Variants in XKR4 observed in about 807,000 individuals in gnomAD.
XKR4 encodes XK related 4, also known as XK-related protein 4.
In XKR4, 12 loss-of-function variants were observed where a neutral mutation model predicts 53.9. The ratio of observed to expected loss-of-function variants is 0.22; its 90% CI spans 0.14 to 0.36. The LOEUF (loss-of-function observed/expected upper bound fraction) is 0.36, where lower values mean the gene tolerates loss of function less well. Among genes scored for constraint, XKR4 ranks in the 10% least tolerant of loss-of-function variants. The pLI, the probability that XKR4 is intolerant of heterozygous loss-of-function variation, is 1.00. For synonymous variants in XKR4, 354 were observed against 362.4 expected (o/e 0.98, Z 0.26); for missense variants, 799 against 859.5 (o/e 0.93, Z 0.88).
chr8:55,330,516 AT>A (rs1228046538), intron 1 of XKR4, among the ~76,000 whole-genome samples: 1 of 152,156 alleles, frequency 6.6e-6, no homozygotes, highest in Non-Finnish European at 1.5e-5. Context: ...TTAAAAAAAA[AT>A]ACATTGTTGT....
intron 1 of XKR4, among the ~76,000 whole-genome samples, chr8:55,117,815 G>A (rs1452698380): frequency 1.3e-5 from 2 of 152,118 alleles, no homozygotes; most frequent in African/African-American, 4.8e-5. Context: ...GCTAAAAATG[G>A]TAATGAGTTC....
intron 1 of XKR4, among the ~76,000 whole-genome samples, chr8:55,160,887 C>T (rs554944418): frequency 5.0e-4 from 76 of 152,132 alleles, no homozygotes; most frequent in African/African-American, 1.8e-3. Flanking sequence ...AATGCAATTC[C>T]ATTAATAAAA....
intron 2 of XKR4, among the ~76,000 whole-genome samples, chr8:55,428,707 T>A (rs945430391): frequency 6.6e-6 from 1 of 152,212 alleles, no homozygotes; most frequent in African/African-American, 2.4e-5. Flanking sequence ...CCTACTTCAG[T>A]GTAGAGTCAG....
chr8:55,443,695 G>T (rs1805304696), intron 2 of XKR4, among the ~76,000 whole-genome samples: 1 of 151,518 alleles, frequency 6.6e-6, no homozygotes, highest in South Asian at 2.1e-4. Context: ...ACAAAAAAGA[G>T]CCGGGCATGG....
chr8:55,523,239 C>A, intron 2 of XKR4, 42 bp from the exon 3 acceptor site: 1 of 1,516,484 alleles, frequency 6.6e-7, no homozygotes, highest in Non-Finnish European at 8.9e-7. Flanking sequence ...GGCATTGCTG[C>A]AACTGATTTC....
chr8:55,211,846 G>A (rs557521372), intron 1 of XKR4, among the ~76,000 whole-genome samples: 1 of 152,314 alleles, frequency 6.6e-6, no homozygotes, highest in African/African-American at 2.4e-5. Flanking sequence ...GAGGACCATG[G>A]CCCATGACAG....
intron 2 of XKR4, chr8:55,454,036 A>G: frequency 1.1e-6 from 1 of 894,530 alleles, no homozygotes; most frequent in East Asian, 2.7e-5. Context: ...GGCACCAGAG[A>G]TAGCCCTGCA....
chr8:55,322,519 G>A (rs148500955), intron 1 of XKR4, among the ~76,000 whole-genome samples: 1 of 152,260 alleles, frequency 6.6e-6, no homozygotes, highest in African/African-American at 2.4e-5. Context: ...AAACCATAAG[G>A]CAGAAGCATT....
At chr8:55,172,553 TA>T (rs1181935471) in intron 1 of XKR4, among the ~76,000 whole-genome samples, 2 of 152,140 alleles carry the variant, frequency 1.3e-5, no homozygotes, top group African/African-American at 4.8e-5. Flanking sequence ...TCCTATAGTA[TA>T]AAACAAAGAC....
intron 1 of XKR4, among the ~76,000 whole-genome samples, chr8:55,284,289 T>C (rs1818877895): frequency 6.6e-6 from 1 of 152,238 alleles, no homozygotes; most frequent in Non-Finnish European, 1.5e-5. Flanking sequence ...TTTTAATGAT[T>C]CATTAGTTTG....
chr8:55,407,873 C>G (rs1353295477), intron 2 of XKR4, among the ~76,000 whole-genome samples: 1 of 152,158 alleles, frequency 6.6e-6, no homozygotes, highest in Non-Finnish European at 1.5e-5. Flanking sequence ...TGTGTCCATT[C>G]TTTCATGGGA....
chr8:55,173,127 G>C (rs1817185080), intron 1 of XKR4, among the ~76,000 whole-genome samples: 1 of 152,102 alleles, frequency 6.6e-6, no homozygotes, highest in Non-Finnish European at 1.5e-5. Context: ...CCTGGGAGCT[G>C]TCCTGCCCCC....
chr8:55,497,290 G>T (rs1440771614), intron 2 of XKR4, among the ~76,000 whole-genome samples: 2 of 152,130 alleles, frequency 1.3e-5, no homozygotes, highest in African/African-American at 4.8e-5. Flanking sequence ...AATGAAAAAG[G>T]CTCTGATAAG....
At position 55,156,485 on chromosome 8, in the gene XKR4, T is replaced by C. The variant is rs987867431; in HGVS notation, c.806+53191T>C. Among the ~76,000 whole-genome samples, 15 of 151,940 alleles carry C rather than the reference T, an allele frequency of 9.9e-5. 1 individual carries two copies. Among genetic ancestry groups the C allele is most frequent in the Admixed American group, 7.9e-4 (12 of 15,266 alleles). ...GTGTAAGTCAGATCTTTGCCTTCTGTAACAGGTGTTCACTAATAGTTCATT... is the reference window on the plus strand; with the variant it reads ...GTGTAAGTCAGATCTTTGCCTTCTGCAACAGGTGTTCACTAATAGTTCATT... On this transcript the variant is annotated intron_variant, in intron 1 of 2. Transcript: ENST00000327381.
At chr8:55,185,680 A>G (rs1256517096) in intron 1 of XKR4, among the ~76,000 whole-genome samples, 2 of 152,192 alleles carry the variant, frequency 1.3e-5, no homozygotes, top group East Asian at 3.8e-4. Context: ...GCTAGGTAAA[A>G]GGTACCTGTT....
intron 1 of XKR4, among the ~76,000 whole-genome samples, chr8:55,332,135 G>A (rs946667703): frequency 6.6e-6 from 1 of 151,768 alleles, no homozygotes; most frequent in African/African-American, 2.4e-5. Flanking sequence ...GGTTACCATA[G>A]GGATTACATA....
chr8:55,454,334 A>G lies in XKR4; in HGVS notation c.1007-68947A>G, dbSNP rs776566841. 9 of 1,502,530 alleles carry G rather than the reference A, an allele frequency of 6.0e-6. No homozygotes were observed. In the South Asian group the frequency reaches 9.0e-5, roughly 15 times the overall value. The allele number at this position is 1,502,530 out of a possible 1,614,324, so 93.1% of individuals were successfully genotyped here. ...GATTATGAAGGGCGTGGGTGTGCTG[A>G]GGGCCTCCAGCAGCTGGGCCGGCAG... On this transcript the variant is annotated intron_variant, in intron 2 of 2. Coordinates refer to ENST00000327381, the MANE Select transcript of XKR4 (RefSeq NM_052898.2).
chr8:55,304,454 T>C lies in XKR4; in HGVS notation c.807-53224T>C, dbSNP rs185813431. Among the ~76,000 whole-genome samples, 367 of 152,328 alleles carry C rather than the reference T, an allele frequency of 2.4e-3. 2 individuals are homozygous for C. The highest frequency in any genetic ancestry group is 8.3e-3 in the African/African-American group (346 of 41,570). On this transcript the variant is annotated intron_variant, in intron 1 of 2. Transcript: ENST00000327381. ...TTTTGGAATAGGTGTGGTGTGGTGC[T>C]GAGAAGAATGTATATTCTGTTGATT...
intron 1 of XKR4, among the ~76,000 whole-genome samples, chr8:55,147,108 T>A: frequency 6.6e-6 from 1 of 152,200 alleles, no homozygotes; most frequent in East Asian, 1.9e-4. Context: ...CTAAAATAGG[T>A]TCTGGAGATC....
Sources: allele counts gnomAD v4.1 joint callset (sites outside exome capture counted in the v4.1 genomes callset), GRCh38; gene constraint gnomAD v4.1.1; transcripts MANE v1.5; gene names NCBI Gene and HGNC (gene_info 2026-07-23, HGNC 2026-07-21).